Variants in SCRG1 observed in about 807,000 individuals in gnomAD.
SCRG1 encodes the protein scrapie-responsive protein 1.
A neutral mutation model predicts 7.7 loss-of-function variants in SCRG1; 3 were observed. The ratio of observed to expected loss-of-function variants is 0.39; its 90% confidence interval spans 0.18 to 1.01. The LOEUF (loss-of-function observed/expected upper bound fraction) is 1.01, where lower values mean the gene tolerates loss of function less well. Among genes scored for constraint, SCRG1 ranks in the 50% least tolerant of loss-of-function variants. The pLI, the probability that SCRG1 is intolerant of heterozygous loss-of-function variation, is 0.36. For missense variants in SCRG1, 110 were observed against 117.2 expected (o/e 0.94, Z 0.28); for synonymous variants, 46 against 41.2 (o/e 1.12, Z -0.44).
chr4:173,440,058 T>C, the SCRG1 span, among the ~76,000 whole-genome samples: 2 of 152,306 alleles, frequency 1.3e-5, no homozygotes, highest in South Asian at 4.1e-4. Context: ...TCAAAATTAG[T>C]TTTATGGTGT....
At chr4:173,472,145 C>A in the SCRG1 span, among the ~76,000 whole-genome samples, 1 of 152,092 alleles carries the variant, frequency 6.6e-6, no homozygotes, top group African/African-American at 2.4e-5. Context: ...AAGAATTTTT[C>A]TTTTAAAAAG....
At chr4:173,409,895 C>T (rs968066806), upstream of SCRG1, among the ~76,000 whole-genome samples, 1 of 152,102 alleles carries the variant, frequency 6.6e-6, no homozygotes, top group Admixed American at 6.5e-5. Context: ...AGCCTCCCTG[C>T]ATACTCTTAA....
At chr4:173,413,709 G>T in the SCRG1 span, among the ~76,000 whole-genome samples, 4 of 152,270 alleles carry the variant, frequency 2.6e-5, no homozygotes, top group African/African-American at 9.6e-5. Flanking sequence ...TCATGTGAGT[G>T]GATGTGTGGC....
the SCRG1 span, among the ~76,000 whole-genome samples, chr4:173,472,675 T>A: frequency 1.0e-5 from 1 of 95,300 alleles, no homozygotes; most frequent in Non-Finnish European, 2.1e-5. Context: ...CAGGAGGAAT[T>A]ACCTCTTACT....
At chr4:173,478,956 T>C in the SCRG1 span, among the ~76,000 whole-genome samples, 2 of 152,198 alleles carry the variant, frequency 1.3e-5, no homozygotes, top group African/African-American at 2.4e-5. Flanking sequence ...AAGAGGTCAC[T>C]TCAAGGGATC....
chr4:173,490,382 G>A, the SCRG1 span, among the ~76,000 whole-genome samples: 5 of 152,116 alleles, frequency 3.3e-5, no homozygotes, highest in African/African-American at 1.2e-4. Context: ...TTTGGTTCAG[G>A]AATTGCTTCA....
In SCRG1 at chr4:173,397,319, T is replaced by C. The variant is rs139823319; in HGVS notation, c.-15+1749A>G. 4.5e-3 allele frequency among the ~76,000 whole-genome samples: 691 copies of C among 152,234 alleles called. 7 individuals are homozygous for C. Among genetic ancestry groups the C allele is most frequent in the African/African-American group, 0.015 (638 of 41,546 alleles). On this transcript the variant is annotated intron_variant, in intron 1 of 2. Transcript: ENST00000296506. ...ATGATTTTGGCCAATTTGAAGAAAA[T>C]TGGTCTTTTTTTTTTCTTTTTCAGT... is the stretch of plus-strand genomic sequence containing the variant.
chr4:173,398,442 ATTAAG>A (rs1169429329), intron 1 of SCRG1: 2 of 152,194 alleles, frequency 1.3e-5, no homozygotes, highest in Non-Finnish European at 2.9e-5. Flanking sequence ...AGCCTGTGTA[ATTAAG>A]TTAAGGAATT....
the SCRG1 span, among the ~76,000 whole-genome samples, chr4:173,499,957 A>G: frequency 6.6e-6 from 1 of 152,244 alleles, no homozygotes; most frequent in Non-Finnish European, 1.5e-5. The surrounding 1 kb of genome is among the most constrained non-coding windows in gnomAD (Gnocchi z 4.1). Context: ...ATTCTTTCTC[A>G]AACTGCGCCT....
chr4:173,484,671 T>TATATTATATATTA, the SCRG1 span, among the ~76,000 whole-genome samples: 4 of 54,332 alleles, frequency 7.4e-5, no homozygotes, highest in African/African-American at 3.3e-4. Context: ...ATATATAACA[T>TATATTATATATTA]GATGTATAAT....
rs1739225289 is a variant in SCRG1 at position 173,385,626 on chromosome 4, A to G, written c.*2715T>C. On this transcript the variant is annotated 3_prime_UTR_variant, in exon 3 of 3. Transcript: ENST00000296506. ...AATGCATTCATTTCTAAAAGAAATAACTGAATTTCATATTTTCAGAAAGAC... is the reference window on the plus strand; with the variant it reads ...AATGCATTCATTTCTAAAAGAAATAGCTGAATTTCATATTTTCAGAAAGAC... The G allele has an allele frequency of 6.6e-6, 1 of 152,200 alleles. No individual in the cohort carries two copies. 9.4% of individuals were successfully genotyped at this position (152,200 alleles called of 1,614,324 possible).
At chr4:173,464,116 T>C in the SCRG1 span, among the ~76,000 whole-genome samples, 1 of 111,210 alleles carries the variant, frequency 9.0e-6, no homozygotes, top group East Asian at 3.1e-4. Context: ...AAAGATATTA[T>C]TAGCATCTCA....
chr4:173,429,912 G>C, the SCRG1 span, among the ~76,000 whole-genome samples: 123 of 152,126 alleles, frequency 8.1e-4, 2 homozygotes, highest in East Asian at 8.9e-3. Flanking sequence ...AAATCACTTA[G>C]ATAAGCTAAA....
chr4:173,481,579 C>G, the SCRG1 span, among the ~76,000 whole-genome samples: 4 of 152,066 alleles, frequency 2.6e-5, no homozygotes, highest in Admixed American at 6.6e-5. Context: ...CCTGCCTCCC[C>G]CTCCACATCC....
chr4:173,436,218 G>C, the SCRG1 span, among the ~76,000 whole-genome samples: 1 of 152,186 alleles, frequency 6.6e-6, no homozygotes, highest in Non-Finnish European at 1.5e-5. Flanking sequence ...AAATCCACCA[G>C]GCGTGTGGCT....
At chr4:173,397,657 T>C (rs188415476) in intron 1 of SCRG1, among the ~76,000 whole-genome samples, 15 of 152,326 alleles carry the variant, frequency 9.8e-5, no homozygotes, top group African/African-American at 3.4e-4. Flanking sequence ...TGAGGGCATT[T>C]AGCACAAGCA....
At chr4:173,460,054 C>G in the SCRG1 span, among the ~76,000 whole-genome samples, 32 of 152,136 alleles carry the variant, frequency 2.1e-4, no homozygotes, top group African/African-American at 6.0e-4. Context: ...TCCCCGCTGC[C>G]CCGCCACCGC....
the SCRG1 span, among the ~76,000 whole-genome samples, chr4:173,479,435 G>GTTTTTTTTTTTTTTTTTTTTTT: frequency 9.5e-5 from 12 of 125,926 alleles, 3 homozygotes; most frequent in Non-Finnish European, 6.8e-5. Context: ...TTGTTTGTTT[G>GTTTTTTTTTTTTTTTTTTTTTT]TTTTTTTGTT....
chr4:173,402,369 G>A (rs776417865), upstream of SCRG1, among the ~76,000 whole-genome samples: 27 of 151,744 alleles, frequency 1.8e-4, no homozygotes, highest in Non-Finnish European at 2.6e-4. Flanking sequence ...TTCGTGAGTA[G>A]AGAAACATTT....
Sources: gnomAD v4.1 joint callset for allele counts (sites outside exome capture counted in the v4.1 genomes callset) on GRCh38, gnomAD v4.1.1 for gene constraint, Gnocchi (gnomAD v3.1) non-coding constraint, MANE v1.5 for transcripts, NCBI Gene and HGNC (gene_info 2026-07-23, HGNC 2026-07-21) for gene names.